ADGRB3: variants seen among roughly 807,000 people sequenced by gnomAD.
ADGRB3 encodes adhesion G protein-coupled receptor B3, also known as brain-specific angiogenesis inhibitor 3.
ADGRB3 carries 37 observed loss-of-function variants against 193.4 expected under a neutral mutation model. That is an observed-to-expected ratio of 0.19 (90% CI 0.15 to 0.25). The LOEUF (loss-of-function observed/expected upper bound fraction) is 0.25. Ranked by LOEUF, ADGRB3 falls within the 10% of genes least tolerant of loss-of-function variation. ADGRB3 has a pLI of 1.00. For synonymous variants in ADGRB3, 690 were observed against 644.2 expected, an observed-to-expected ratio of 1.07 and a Z score of -1.08; for missense variants, 1,637 against 1,852.9, an observed-to-expected ratio of 0.88 and a Z score of 2.14.
At chr6:68,802,919 C>T (rs368814327) in intron 3 of ADGRB3, among the ~76,000 whole-genome samples, 1 of 152,042 alleles carries the variant, frequency 6.6e-6, no homozygotes, top group East Asian at 1.9e-4. Flanking sequence ...GATTTCAAAC[C>T]TCTTCATATG....
At chr6:69,262,278 T>G (rs1766946502) in intron 20 of ADGRB3, among the ~76,000 whole-genome samples, 1 of 152,104 alleles carries the variant, frequency 6.6e-6, no homozygotes, top group South Asian at 2.1e-4. Flanking sequence ...TTTCGTTTTT[T>G]TCTAAACATA....
At chr6:68,721,418 T>C (rs1196094441) in intron 3 of ADGRB3, among the ~76,000 whole-genome samples, 1 of 151,104 alleles carries the variant, frequency 6.6e-6, no homozygotes, top group Non-Finnish European at 1.5e-5. Context: ...TAGGTGGGAA[T>C]TGAACAAAGA....
Position 69,388,742 on chromosome 6 carries a change from A to G in ADGRB3, c.4420A>G (p.Lys1474Glu). ...APNKNPWDTF[K>E]NPSEYPHYTT... ...AAACAAGAATCCATGGGACACTTTC[A>G]AAAACCCCAGTGAATACCCGCATTA... Residue 1474 changes from lysine (K) to glutamate (E), a missense_variant, in exon 32 of 32, where the codon AAA becomes GAA. This residue lies in a region of ADGRB3 where 368 missense variants were observed against 367.4 expected (regional missense o/e 1.00). Coordinates refer to ENST00000370598, the MANE Select transcript of ADGRB3 (RefSeq NM_001704.3). 1 of 1,613,346 alleles carries G rather than the reference A, an allele frequency of 6.2e-7. No homozygotes were observed. Among genetic ancestry groups the G allele is most frequent in the Non-Finnish European group, 8.5e-7 (1 of 1,179,580 alleles).
rs190080842 is a variant in ADGRB3 at position 68,681,018 on chromosome 6, G to A, written c.757+41586G>A. 2.5e-4 allele frequency among the ~76,000 whole-genome samples: 38 copies of A among 152,254 alleles called. 1 individual carries two copies. The highest frequency in any genetic ancestry group is 2.2e-3 in the Admixed American group (33 of 15,282). On this transcript the variant is annotated intron_variant, in intron 3 of 31. Coordinates refer to ENST00000370598, the MANE Select transcript of ADGRB3 (RefSeq NM_001704.3). ...AAGCTGTACCAGAAGCATGATATAAGTATCTCTTTTTGGTAAGGGCCTCAA... is the reference window on the plus strand; with the variant it reads ...AAGCTGTACCAGAAGCATGATATAAATATCTCTTTTTGGTAAGGGCCTCAA...
At chr6:69,342,690 C>T (rs1002811041) in intron 26 of ADGRB3, among the ~76,000 whole-genome samples, 1 of 152,008 alleles carries the variant, frequency 6.6e-6, no homozygotes, top group African/African-American at 2.4e-5. Context: ...TTCATAAAGA[C>T]ATACCAAAGA....
intron 27 of ADGRB3, among the ~76,000 whole-genome samples, chr6:69,355,298 TC>T: frequency 6.6e-6 from 1 of 152,284 alleles, no homozygotes; most frequent in South Asian, 2.1e-4. Context: ...CAGTTTTAAG[TC>T]CTAAACCTGA....
intron 3 of ADGRB3, among the ~76,000 whole-genome samples, chr6:68,736,066 C>A (rs1362406471): frequency 2.0e-5 from 3 of 151,940 alleles, no homozygotes; most frequent in Non-Finnish European, 4.4e-5. Flanking sequence ...GTTTGGAATG[C>A]AGTGGTATGA....
At chr6:68,718,228 A>G (rs190438017) in intron 3 of ADGRB3, among the ~76,000 whole-genome samples, 1 of 151,874 alleles carries the variant, frequency 6.6e-6, no homozygotes, top group Admixed American at 6.6e-5. Flanking sequence ...TCGTGTGTTC[A>G]GAGTCATAAC....
chr6:68,933,983 T>C (rs1410468237), intron 4 of ADGRB3, among the ~76,000 whole-genome samples: 3 of 152,202 alleles, frequency 2.0e-5, no homozygotes, highest in African/African-American at 7.2e-5. Context: ...TATTTTAATG[T>C]CATTGAATAT....
intron 3 of ADGRB3, among the ~76,000 whole-genome samples, chr6:68,875,817 G>C (rs1170204275): frequency 1.3e-5 from 2 of 152,126 alleles, no homozygotes; most frequent in African/African-American, 2.4e-5. Context: ...TGTATTATTA[G>C]AGAGGAATTT....
intron 3 of ADGRB3, among the ~76,000 whole-genome samples, chr6:68,873,383 T>C (rs1473179231): frequency 6.6e-6 from 1 of 152,132 alleles, no homozygotes; most frequent in Non-Finnish European, 1.5e-5. Flanking sequence ...ATATTTCATG[T>C]ATTTTTCTCC....
intron 17 of ADGRB3, among the ~76,000 whole-genome samples, chr6:69,229,728 A>G (rs1766093228): frequency 6.6e-6 from 1 of 152,184 alleles, no homozygotes; most frequent in Admixed American, 6.5e-5. Flanking sequence ...CATTGGAGTA[A>G]GCTGATAACT....
At chr6:68,977,791 G>A (rs201985334) in intron 10 of ADGRB3, among the ~76,000 whole-genome samples, 6 of 152,162 alleles carry the variant, frequency 3.9e-5, no homozygotes, top group East Asian at 3.9e-4. Context: ...GAATCTGCAA[G>A]ATGGGTGTCC....
chr6:69,369,619 G>T (rs1769663289), intron 29 of ADGRB3, among the ~76,000 whole-genome samples: 2 of 150,846 alleles, frequency 1.3e-5, no homozygotes, highest in South Asian at 4.2e-4. Context: ...GATCACTTGA[G>T]CCCTGAATGT....
intron 20 of ADGRB3, among the ~76,000 whole-genome samples, chr6:69,288,089 G>T (rs1380976083): frequency 6.6e-6 from 1 of 151,824 alleles, no homozygotes. Flanking sequence ...GGATACATGT[G>T]CAGAACGTGC....
intron 17 of ADGRB3, among the ~76,000 whole-genome samples, chr6:69,182,670 TA>T (rs1258888764): frequency 8.5e-5 from 13 of 152,172 alleles, no homozygotes; most frequent in African/African-American, 2.7e-4. Context: ...CCCGTTCCCT[TA>T]AAATTGAAAA....
intron 3 of ADGRB3, among the ~76,000 whole-genome samples, chr6:68,904,451 C>T (rs1033743173): frequency 6.6e-6 from 1 of 152,086 alleles, no homozygotes; most frequent in African/African-American, 2.4e-5. Context: ...TGCTACTTCT[C>T]TCGTTTGGCT....
At chr6:69,154,371 G>A (rs1002174348) in intron 17 of ADGRB3, among the ~76,000 whole-genome samples, 16 of 152,104 alleles carry the variant, frequency 1.1e-4, no homozygotes, top group Non-Finnish European at 2.1e-4. Flanking sequence ...TAGATAGAGT[G>A]CAGATTTCTC....
At chr6:68,637,719 A>G (rs1236812174) in intron 2 of ADGRB3, among the ~76,000 whole-genome samples, 157 bp downstream of exon 2, 1 of 152,210 alleles carries the variant, frequency 6.6e-6, no homozygotes, top group Non-Finnish European at 1.5e-5. Context: ...TTTTATTACC[A>G]TGTGTAAGCC....
Sources: gnomAD v4.1 joint callset for allele counts (sites outside exome capture counted in the v4.1 genomes callset) on GRCh38, gnomAD v4.1.1 for gene constraint, gnomAD v4.1.1 regional missense constraint, MANE v1.5 for transcripts, NCBI Gene and HGNC (gene_info 2026-07-23, HGNC 2026-07-21) for gene names.